Variants in FLYWCH1 observed in about 807,000 individuals in gnomAD.
FLYWCH1 encodes FLYWCH-type zinc finger-containing protein 1.
Under a neutral mutation model 66.4 loss-of-function variants are expected in FLYWCH1, and 75 were observed. That is an observed-to-expected ratio of 1.13 (90% CI 0.94 to 1.37). The LOEUF is 1.37. Among genes scored for constraint, FLYWCH1 ranks in the 40% most tolerant of loss-of-function variants. The probability of loss-of-function intolerance (pLI) is 0.00; values close to 1 mark genes in which losing one functional copy is unlikely to be tolerated. For synonymous variants in FLYWCH1, 595 were observed against 429.9 expected (o/e 1.38, Z -4.75); for missense variants, 1,334 against 1,001.8 (o/e 1.33, Z -4.48).
chr16:2,932,922 G>A (rs956535725), intron 4 of FLYWCH1, among the ~76,000 whole-genome samples: 1 of 151,890 alleles, frequency 6.6e-6, no homozygotes, highest in African/African-American at 2.4e-5. Flanking sequence ...ACCGCTAGGA[G>A]AGGAATGAGA....
chr16:2,947,676 C>T (rs1297641550), intron 9 of FLYWCH1, among the ~76,000 whole-genome samples: 3 of 151,124 alleles, frequency 2.0e-5, no homozygotes, highest in Non-Finnish European at 4.4e-5. Flanking sequence ...GCAGGAGAAT[C>T]GCTTGAACCT....
At chr16:2,945,440 T>G (rs1020551781) in intron 9 of FLYWCH1, among the ~76,000 whole-genome samples, 1 of 141,204 alleles carries the variant, frequency 7.1e-6, no homozygotes, top group Non-Finnish European at 1.5e-5. Context: ...GAGCCGACAT[T>G]CATGCCACTG....
At chr16:2,931,866 C>T (rs2070772210) in intron 4 of FLYWCH1, among the ~76,000 whole-genome samples, 1 of 152,100 alleles carries the variant, frequency 6.6e-6, no homozygotes, top group African/African-American at 2.4e-5. Flanking sequence ...GTAATCCCAG[C>T]ACTTTGGGAG....
At chr16:2,940,124 C>A in intron 9 of FLYWCH1, 32 bp downstream of exon 9, 1 of 993,248 alleles carries the variant, frequency 1.0e-6, no homozygotes, top group Non-Finnish European at 1.6e-6. Context: ...TGGTGCATGA[C>A]CAATTACAAC....
intron 6 of FLYWCH1, chr16:2,934,633 A>G (rs756982554): frequency 2.2e-5 from 10 of 456,704 alleles, no homozygotes; most frequent in South Asian, 1.5e-4. Flanking sequence ...CTCTCTTTCC[A>G]GTGGCTCTTC....
intron 2 of FLYWCH1, among the ~76,000 whole-genome samples, chr16:2,920,954 G>A (rs2070351999): frequency 6.8e-6 from 1 of 147,094 alleles, no homozygotes; most frequent in African/African-American, 2.5e-5. Context: ...CGATTCTTCT[G>A]CCTCAGCCTT....
At chr16:2,928,253 C>G (rs1440388190) in intron 2 of FLYWCH1, among the ~76,000 whole-genome samples, 2 of 152,192 alleles carry the variant, frequency 1.3e-5, no homozygotes, top group South Asian at 2.1e-4. Flanking sequence ...CTTCCTCTTA[C>G]CTCAACAGCA....
intron 4 of FLYWCH1, among the ~76,000 whole-genome samples, chr16:2,932,172 T>A (rs1383172097): frequency 6.9e-6 from 1 of 145,524 alleles, no homozygotes; most frequent in Non-Finnish European, 1.5e-5. Flanking sequence ...TCCCAGTTAC[T>A]CGGGAGGCTA....
At chr16:2,934,909 C>T (rs983104779) in intron 6 of FLYWCH1, 1 of 180,856 alleles carries the variant, frequency 5.5e-6, no homozygotes, top group Non-Finnish European at 1.1e-5. Context: ...CAGTGCACTT[C>T]TTGCACAGGC....
In FLYWCH1 at chr16:2,929,630, C is replaced by G. The variant is rs1187809004; in HGVS notation, c.-56C>G. Reference sequence around the variant, plus strand: ...TTCCTTAGGACGGAACCACTGCACTCCAGGTTCCTTGCTGGGTGCTGAGCG... The same window carrying G: ...TTCCTTAGGACGGAACCACTGCACTGCAGGTTCCTTGCTGGGTGCTGAGCG... On this transcript the variant is annotated 5_prime_UTR_variant, in exon 3 of 10. Coordinates refer to ENST00000253928, the MANE Select transcript of FLYWCH1 (RefSeq NM_001308068.2). 16 of 1,550,270 alleles carry G rather than the reference C, an allele frequency of 1.0e-5. No individual in the cohort carries two copies. Among genetic ancestry groups the G allele is most frequent in the East Asian group, 4.7e-5 (2 of 42,874 alleles).
chr16:2,930,771 G>A lies in FLYWCH1; in HGVS notation c.687G>A (p.Glu229=). The A allele has an allele frequency of 6.3e-7, 1 of 1,584,054 alleles. No homozygotes were observed. Among genetic ancestry groups the A allele is most frequent in the Non-Finnish European group, 8.5e-7 (1 of 1,170,326 alleles). ...CGTGGCAGTGCCCTGAGGAGCCCGAGCCCACTCCTGGGCTGGTGCTGAGCA... is the reference window on the plus strand; with the variant it reads ...CGTGGCAGTGCCCTGAGGAGCCCGAACCCACTCCTGGGCTGGTGCTGAGCA... The part of the protein sequence containing the change: ...VGPWQCPEEP[E]PTPGLVLSKP... Residue 229 remains glutamate, a synonymous_variant, in exon 4 of 10, where the codon GAG becomes GAA. Transcript: ENST00000253928.
chr16:2,937,025 A>T (rs1021433280), intron 6 of FLYWCH1, 96 bp from the exon 7 acceptor site: 53 of 1,356,130 alleles, frequency 3.9e-5, no homozygotes, highest in Admixed American at 3.2e-4. Context: ...TGTGAGGAGG[A>T]GGTGTGGGCG....
At position 2,933,832 on chromosome 16, in the gene FLYWCH1, G is replaced by A. The variant is rs964026659; in HGVS notation, c.1366G>A (p.Ala456Thr). The stretch of plus-strand genomic sequence containing the variant: ...GGTGTATTGGACCTGCCGGGACCAG[G>A]CCCGCATGGGCTGCCGCAGCCGCGC... ...EKVYWTCRDQ[A>T]RMGCRSRAIT... The change falls in exon 6 of 10, where the codon GCC becomes ACC. Residue 456 changes from alanine to threonine, a missense_variant. By Grantham distance (58) the Ala-to-Thr change is moderately conservative (BLOSUM62 0). Coordinates refer to ENST00000253928, the MANE Select transcript of FLYWCH1 (RefSeq NM_001308068.2). 3 of 1,607,900 alleles carry A rather than the reference G, an allele frequency of 1.9e-6. No individual in the cohort carries two copies. The highest frequency in any genetic ancestry group is 2.5e-6 in the Non-Finnish European group (3 of 1,177,746).
At chr16:2,947,367 A>G (rs1317006722) in intron 9 of FLYWCH1, among the ~76,000 whole-genome samples, 1 of 152,140 alleles carries the variant, frequency 6.6e-6, no homozygotes, top group Non-Finnish European at 1.5e-5. Flanking sequence ...TGGGAGGTGA[A>G]ATGTTCTAAA....
At position 2,938,226 on chromosome 16, in the gene FLYWCH1, G is replaced by A; in HGVS notation, c.1820G>A (p.Gly607Asp). ...PLEFLRTSLG[G>D]RFLVHESFLY... ...GAGTTCCTGAGGACTTCCCTGGGGG[G>A]CAGGTTCCTGGTGCACGAGTCCTTC... Residue 607 changes from glycine to aspartate, a missense_variant, in exon 8 of 10, where the codon GGC (glycine) becomes GAC (aspartate). Gly to Asp is a moderately conservative substitution (Grantham distance 94). Transcript: ENST00000253928. 1.2e-6 allele frequency: 2 copies of A among 1,613,120 alleles called. No homozygotes were observed. The highest frequency in any genetic ancestry group is 1.7e-6 in the Non-Finnish European group (2 of 1,179,582).
intron 6 of FLYWCH1, chr16:2,935,810 C>A (rs936429232): frequency 6.6e-6 from 1 of 152,494 alleles, no homozygotes; most frequent in Non-Finnish European, 1.5e-5. Flanking sequence ...GGCTTGTGTC[C>A]TTCATCGTGG....
intron 1 of FLYWCH1, among the ~76,000 whole-genome samples, chr16:2,912,701 C>G (rs1164662949): frequency 6.6e-6 from 1 of 152,166 alleles, no homozygotes; most frequent in African/African-American, 2.4e-5. Flanking sequence ...TGGATCTGTT[C>G]GGATTAAATT....
intron 9 of FLYWCH1, among the ~76,000 whole-genome samples, chr16:2,947,639 A>G (rs574363194): frequency 9.2e-5 from 14 of 151,886 alleles, no homozygotes; most frequent in Non-Finnish European, 1.6e-4. Flanking sequence ...GCACGCACCT[A>G]TAATCCCAGC....
intron 9 of FLYWCH1, among the ~76,000 whole-genome samples, chr16:2,946,949 T>A: frequency 6.6e-6 from 1 of 152,178 alleles, no homozygotes; most frequent in East Asian, 1.9e-4. Context: ...GAGTTCTTAA[T>A]GTTCAACATA....
Sources: gnomAD v4.1 joint callset for allele counts (sites outside exome capture counted in the v4.1 genomes callset) on GRCh38, gnomAD v4.1.1 for gene constraint, MANE v1.5 for transcripts, NCBI Gene and HGNC (gene_info 2026-07-23, HGNC 2026-07-21) for gene names.